Variants in NPNT observed in about 807,000 individuals in gnomAD.
The protein encoded by NPNT is preosteoblast EGF-like repeat protein with MAM domain.
In NPNT, 45 loss-of-function variants were observed where a neutral mutation model predicts 68.6. The ratio of observed to expected loss-of-function variants is 0.66; its 90% CI spans 0.52 to 0.84. The LOEUF (loss-of-function observed/expected upper bound fraction) is 0.84. NPNT is among the 40% of genes least tolerant of loss of function. The pLI is 0.00. For synonymous variants in NPNT, 233 were observed against 253.3 expected (o/e 0.92, Z 0.76); for missense variants, 672 against 714.8 (o/e 0.94, Z 0.68).
intron 3 of NPNT, among the ~76,000 whole-genome samples, chr4:105,929,808 G>C (rs528128993): frequency 6.6e-6 from 1 of 152,198 alleles, no homozygotes; most frequent in Non-Finnish European, 1.5e-5. Context: ...ACTTTAACAT[G>C]CTTTAAAGAC....
chr4:105,921,602 T>G (rs965996608), intron 2 of NPNT, among the ~76,000 whole-genome samples: 2 of 152,162 alleles, frequency 1.3e-5, no homozygotes, highest in South Asian at 2.1e-4. Context: ...TACAGGGTAT[T>G]AGGAAAGCTG....
rs1725776502 is a variant in NPNT, at chr4:105,895,780, G to A, written c.71+57G>A. On this transcript the variant is annotated intron_variant, in intron 1 of 11. Coordinates refer to ENST00000379987, the MANE Select transcript of NPNT (RefSeq NM_001033047.3). ...TTCCCGCGCTAATTTCACACTCACT[G>A]TCTTGGGTCACTTTTCCCCGCGGGG... 9.1e-6 allele frequency: 13 copies of A among 1,422,056 alleles called. No homozygotes were observed. The South Asian group carries it at 1.6e-4, about 18-fold the overall frequency. 88.1% of individuals were successfully genotyped at this position (1,422,056 alleles called of 1,614,324 possible). A position where few individuals can be genotyped will look rare whatever the true frequency, so the allele number is the denominator to read the frequency against.
At chr4:105,906,805 T>C (rs903140227) in intron 2 of NPNT, among the ~76,000 whole-genome samples, 1 of 151,980 alleles carries the variant, frequency 6.6e-6, no homozygotes, top group African/African-American at 2.4e-5. Flanking sequence ...TAGTGGGAGA[T>C]TTTTTAATAT....
At chr4:105,924,043 C>CG (rs560163449) in intron 2 of NPNT, among the ~76,000 whole-genome samples, 66 of 151,784 alleles carry the variant, frequency 4.3e-4, no homozygotes, top group Non-Finnish European at 6.9e-4. Flanking sequence ...TGCTGCGCCC[C>CG]CCCCCCACCA....
chr4:105,917,300 C>T (rs1474735044), intron 2 of NPNT, among the ~76,000 whole-genome samples: 1 of 152,196 alleles, frequency 6.6e-6, no homozygotes, highest in East Asian at 1.9e-4. Flanking sequence ...AGGCCCTTCA[C>T]CCATTCCCAT....
chr4:105,910,536 C>G (rs1331323001), intron 2 of NPNT, among the ~76,000 whole-genome samples: 4 of 151,696 alleles, frequency 2.6e-5, no homozygotes, highest in East Asian at 3.9e-4. Flanking sequence ...GCATTTATTT[C>G]TGGCAACTTT....
intron 3 of NPNT, among the ~76,000 whole-genome samples, chr4:105,928,924 T>C (rs1728899453): frequency 2.8e-5 from 2 of 70,512 alleles, no homozygotes; most frequent in Admixed American, 1.9e-4. Context: ...TAATGATTTA[T>C]AGACACAGTT....
chr4:105,902,410 G>A (rs1187973523), intron 2 of NPNT, among the ~76,000 whole-genome samples: 4 of 152,192 alleles, frequency 2.6e-5, no homozygotes, highest in Non-Finnish European at 1.5e-5. Flanking sequence ...GCTCTCAAAA[G>A]GGGTGGGGAT....
chr4:105,954,606 G>A (rs1731073974), intron 8 of NPNT, among the ~76,000 whole-genome samples: 1 of 152,188 alleles, frequency 6.6e-6, no homozygotes, highest in African/African-American at 2.4e-5. Flanking sequence ...TGCACACTCT[G>A]CCTCTATCTC....
At chr4:105,949,650 A>G (rs1198767508) in intron 8 of NPNT, among the ~76,000 whole-genome samples, 6 of 152,218 alleles carry the variant, frequency 3.9e-5, no homozygotes, top group African/African-American at 1.2e-4. Context: ...TGCAGAACCC[A>G]AAGTAAAGGA....
chr4:105,964,054 C>T (rs927847567), intron 10 of NPNT, among the ~76,000 whole-genome samples: 1 of 152,084 alleles, frequency 6.6e-6, no homozygotes, highest in Non-Finnish European at 1.5e-5. Flanking sequence ...GAACCCAGCA[C>T]CACCACATAC....
intron 8 of NPNT, among the ~76,000 whole-genome samples, chr4:105,953,566 G>C (rs1284618718): frequency 1.3e-5 from 2 of 152,132 alleles, no homozygotes; most frequent in Non-Finnish European, 2.9e-5. Flanking sequence ...TTAAAATTGT[G>C]ATGCATATGT....
chr4:105,941,291 AGT>A (rs964259447), intron 7 of NPNT, among the ~76,000 whole-genome samples: 1 of 152,194 alleles, frequency 6.6e-6, no homozygotes, highest in African/African-American at 2.4e-5. Flanking sequence ...CCATGAGCCC[AGT>A]GAGCTCTGAC....
intron 5 of NPNT, among the ~76,000 whole-genome samples, chr4:105,939,008 C>G (rs1013596165): frequency 6.6e-6 from 1 of 152,126 alleles, no homozygotes; most frequent in African/African-American, 2.4e-5. Context: ...AGCACAATAC[C>G]TAGCATGTAA....
chr4:105,900,831 G>GTTTT (rs1212914145), intron 2 of NPNT, among the ~76,000 whole-genome samples: 1 of 127,770 alleles, frequency 7.8e-6, no homozygotes, highest in African/African-American at 3.2e-5. Context: ...CATACCCTTG[G>GTTTT]TTGTTTTTTT....
At chr4:105,949,641 G>A (rs959536762) in intron 8 of NPNT, among the ~76,000 whole-genome samples, 3 of 152,182 alleles carry the variant, frequency 2.0e-5, no homozygotes, top group African/African-American at 7.2e-5. Context: ...AAAACTTTCT[G>A]CAGAACCCAA....
intron 2 of NPNT, among the ~76,000 whole-genome samples, chr4:105,899,386 G>A (rs879199941): frequency 6.6e-6 from 1 of 152,164 alleles, no homozygotes; most frequent in Non-Finnish European, 1.5e-5. Context: ...GTCTCCAGCT[G>A]TGCAAATACT....
In NPNT at chr4:105,958,492, A is replaced by T. The variant is rs780625595; in HGVS notation, c.1181A>T (p.Asp394Val). ...GCAGTTCCACGGCAACCTTCAAATGACTTGTTTGAAATATTTGAAATAGAA... is the reference window on the plus strand; with the variant it reads ...GCAGTTCCACGGCAACCTTCAAATGTCTTGTTTGAAATATTTGAAATAGAA... Reference protein sequence around the residue: ...DVFIPRQPSNDLFEIFEIERG... With the variant: ...DVFIPRQPSNVLFEIFEIERG... The change falls in exon 9 of 12, where the codon GAC (aspartate) becomes GTC (valine). Residue 394 changes from aspartate to valine, a missense_variant. Transcript: ENST00000379987. The T allele has an allele frequency of 6.2e-7, 1 of 1,611,114 alleles. No homozygotes were observed. The highest frequency in any genetic ancestry group is 1.1e-5 in the South Asian group (1 of 90,872).
chr4:105,952,138 TAA>T (rs2149391380), intron 8 of NPNT, among the ~76,000 whole-genome samples: 1 of 152,350 alleles, frequency 6.6e-6, no homozygotes, highest in South Asian at 2.1e-4. Context: ...ACTTAATTCA[TAA>T]AAAGACAGCC....
Sources: gnomAD v4.1 joint callset for allele counts (sites outside exome capture counted in the v4.1 genomes callset) on GRCh38, gnomAD v4.1.1 for gene constraint, MANE v1.5 for transcripts, NCBI Gene and HGNC (gene_info 2026-07-23, HGNC 2026-07-21) for gene names.